LDLRAD4: variants seen among roughly 807,000 people sequenced by gnomAD.
The protein encoded by LDLRAD4 is low-density lipoprotein receptor class A domain-containing protein 4.
A neutral mutation model predicts 17.0 loss-of-function variants in LDLRAD4; 5 were observed. The observed-to-expected ratio is 0.29, with a 90% CI of 0.15 to 0.62. The LOEUF (loss-of-function observed/expected upper bound fraction) is 0.62, where lower values mean the gene tolerates loss of function less well. Ranked by LOEUF, LDLRAD4 falls within the 20% of genes least tolerant of loss-of-function variation. LDLRAD4 has a pLI of 0.84. For synonymous variants in LDLRAD4, 168 were observed against 171.8 expected (o/e 0.98, Z 0.17); for missense variants, 340 against 424.7 (o/e 0.80, Z 1.75).
intron 3 of LDLRAD4, among the ~76,000 whole-genome samples, chr18:13,586,929 C>T (rs922089302): frequency 2.1e-4 from 31 of 151,148 alleles, no homozygotes; most frequent in Admixed American, 6.6e-5. Flanking sequence ...TGTAACATCA[C>T]ACTGTATCTA....
At position 13,370,352 on chromosome 18, in the gene LDLRAD4, G is replaced by A. The variant is rs2084368963; in HGVS notation, c.-382-16989G>A. Among the ~76,000 whole-genome samples, 3 of 152,240 alleles carry A rather than the reference G, an allele frequency of 2.0e-5. No homozygotes were observed. In the South Asian group the frequency reaches 6.2e-4, roughly 31 times the overall value. On this transcript the variant is annotated intron_variant, in intron 1 of 5. Coordinates refer to ENST00000359446, the Ensembl canonical transcript of LDLRAD4. ...GGAACATGGAGTCCAGGGTCCGGAG[G>A]TGGGGCTTGTGGTCTCTGTTGCTGT...
intron 1 of LDLRAD4, among the ~76,000 whole-genome samples, chr18:13,364,342 AT>A (rs201628712): frequency 6.6e-6 from 1 of 151,254 alleles, no homozygotes; most frequent in African/African-American, 2.4e-5. Context: ...GTATTATTTG[AT>A]TTTTTTTTAA....
intron 3 of LDLRAD4, among the ~76,000 whole-genome samples, chr18:13,473,678 T>TATATATATATA (rs374731826): frequency 1.3e-5 from 1 of 79,986 alleles, no homozygotes. Flanking sequence ...TATATATATA[T>TATATATATATA]AACGTTTACA....
chr18:13,552,649 G>A (rs1489882711), intron 3 of LDLRAD4, among the ~76,000 whole-genome samples: 1 of 152,164 alleles, frequency 6.6e-6, no homozygotes, highest in Non-Finnish European at 1.5e-5. Flanking sequence ...GGCTGAGGTA[G>A]TTCCTAGAGG....
At chr18:13,244,769 T>A (rs1171399103) in intron 1 of LDLRAD4, among the ~76,000 whole-genome samples, 1 of 152,146 alleles carries the variant, frequency 6.6e-6, no homozygotes. Flanking sequence ...ATGTTCTGTG[T>A]GGAATTTGAG....
intron 1 of LDLRAD4, among the ~76,000 whole-genome samples, chr18:13,307,720 C>T (rs2046996018): frequency 6.6e-6 from 1 of 152,138 alleles, no homozygotes; most frequent in African/African-American, 2.4e-5. Flanking sequence ...TGCCTGGCCC[C>T]TAATTTTTTA....
At chr18:13,497,079 C>T (rs1175305600) in intron 3 of LDLRAD4, among the ~76,000 whole-genome samples, 2 of 152,370 alleles carry the variant, frequency 1.3e-5, no homozygotes, top group East Asian at 3.9e-4. Context: ...TCCATCCAGC[C>T]TGCTGCCTGA....
intron 4 of LDLRAD4, among the ~76,000 whole-genome samples, chr18:13,634,295 C>A (rs1293960214): frequency 1.3e-5 from 2 of 152,130 alleles, no homozygotes; most frequent in Admixed American, 6.5e-5. Flanking sequence ...GATGACATGA[C>A]CTTATGTGTA....
At chr18:13,226,117 C>G (rs1271894982) in intron 1 of LDLRAD4, among the ~76,000 whole-genome samples, 4 of 146,106 alleles carry the variant, frequency 2.7e-5, no homozygotes, top group Non-Finnish European at 6.0e-5. Flanking sequence ...ATTTCTCAGG[C>G]TTGTGGCATC....
chr18:13,349,023 AG>A (rs1306524013), intron 1 of LDLRAD4, among the ~76,000 whole-genome samples: 2 of 152,144 alleles, frequency 1.3e-5, no homozygotes, highest in African/African-American at 4.8e-5. Context: ...TGCACTTCCC[AG>A]GTGAGGCGAT....
chr18:13,539,800 T>C (rs909006091), intron 3 of LDLRAD4, among the ~76,000 whole-genome samples: 2 of 152,232 alleles, frequency 1.3e-5, no homozygotes, highest in Non-Finnish European at 2.9e-5. Flanking sequence ...CACTGTCTAA[T>C]TATAATTCTT....
chr18:13,457,846 T>A (rs890471), intron 3 of LDLRAD4, among the ~76,000 whole-genome samples: 2 of 152,078 alleles, frequency 1.3e-5, no homozygotes, highest in Non-Finnish European at 2.9e-5. Flanking sequence ...ACTTGCTCTT[T>A]GTGGTGGTAA....
chr18:13,440,862 G>A lies in LDLRAD4; in HGVS notation c.181+2478G>A, dbSNP rs539395977. Among the ~76,000 whole-genome samples the A allele has an allele frequency of 3.3e-5, 5 of 152,276 alleles. No homozygotes were observed. Among genetic ancestry groups the A allele is most frequent in the East Asian group, 1.9e-4 (1 of 5,170 alleles). ...TTGTGTACACGGAGCAGGAATTCAC[G>A]GGTGTCCACAAGTGCACTTGCCCAG... is the stretch of plus-strand genomic sequence containing the variant. On this transcript the variant is annotated intron_variant, in intron 3 of 5. Transcript: ENST00000359446. The surrounding 1 kb of genome is among the most constrained non-coding windows in gnomAD (Gnocchi z 4.4).
intron 1 of LDLRAD4, among the ~76,000 whole-genome samples, chr18:13,385,298 T>C (rs560705997): frequency 6.6e-6 from 1 of 152,340 alleles, no homozygotes; most frequent in South Asian, 2.1e-4. Context: ...AGAAACATCT[T>C]TTCAGGTAAT....
intron 1 of LDLRAD4, among the ~76,000 whole-genome samples, chr18:13,382,958 C>T (rs1290756468): frequency 6.6e-6 from 1 of 152,250 alleles, no homozygotes; most frequent in African/African-American, 2.4e-5. Flanking sequence ...TCAATGACCT[C>T]TGAAGGCCTT....
chr18:13,612,959 C>G, intron 3 of LDLRAD4: 1 of 602,236 alleles, frequency 1.7e-6, no homozygotes, highest in East Asian at 2.9e-5. Context: ...TAGGAAGATG[C>G]ATGTCAGGCT....
intron 3 of LDLRAD4, among the ~76,000 whole-genome samples, chr18:13,562,271 A>C (rs2148224370): frequency 6.6e-6 from 1 of 152,300 alleles, no homozygotes; most frequent in South Asian, 2.1e-4. Context: ...ACTGTCATGG[A>C]ATCACCATCC....
At chr18:13,261,727 TC>T (rs1193042192) in intron 1 of LDLRAD4, among the ~76,000 whole-genome samples, 23 of 152,276 alleles carry the variant, frequency 1.5e-4, no homozygotes, top group African/African-American at 5.3e-4. Context: ...TGTAAAGACT[TC>T]ATCTATATTG....
intron 2 of LDLRAD4, among the ~76,000 whole-genome samples, chr18:13,400,292 C>T (rs1029289856): frequency 6.6e-6 from 1 of 152,152 alleles, no homozygotes; most frequent in Non-Finnish European, 1.5e-5. Flanking sequence ...CAAGGTGGGA[C>T]GATTTCATTT....
Sources: allele counts gnomAD v4.1 joint callset (sites outside exome capture counted in the v4.1 genomes callset), GRCh38; gene constraint gnomAD v4.1.1; non-coding constraint Gnocchi (gnomAD v3.1); transcripts MANE v1.5; gene names NCBI Gene and HGNC (gene_info 2026-07-23, HGNC 2026-07-21).